Variants in AUH observed in about 807,000 individuals in gnomAD.
The protein encoded by AUH is AU RNA binding methylglutaconyl-CoA hydratase, also known as methylglutaconyl-CoA hydratase, mitochondrial.
AUH carries 29 observed loss-of-function variants against 42.3 expected under a neutral mutation model. That is an observed-to-expected ratio of 0.69 (90% confidence interval 0.51 to 0.93). AUH has a LOEUF of 0.93. Ranked by LOEUF, AUH falls within the 40% of genes least tolerant of loss-of-function variation. The pLI is 0.00. For missense variants in AUH, 452 were observed against 438.1 expected (o/e 1.03, Z -0.28); for synonymous variants, 174 against 166.4 (o/e 1.05, Z -0.35).
At chr9:91,298,782 G>A (rs1379052461) in intron 4 of AUH, among the ~76,000 whole-genome samples, 1 of 152,156 alleles carries the variant, frequency 6.6e-6, no homozygotes, top group Non-Finnish European at 1.5e-5. Context: ...ATGACATACA[G>A]ATTTCATTTT....
intron 4 of AUH, among the ~76,000 whole-genome samples, chr9:91,304,407 A>ACATGG (rs1375041687): frequency 2.0e-5 from 3 of 152,230 alleles, no homozygotes; most frequent in African/African-American, 7.2e-5. Context: ...CATGTGGGCA[A>ACATGG]CATGGAATAG....
chr9:91,283,458 C>G (rs964803084), intron 6 of AUH, among the ~76,000 whole-genome samples: 1 of 152,072 alleles, frequency 6.6e-6, no homozygotes, highest in Non-Finnish European at 1.5e-5. Flanking sequence ...GAAGTTCTGG[C>G]CAGGGCAATC....
chr9:91,304,381 T>C (rs1828048167), intron 4 of AUH, among the ~76,000 whole-genome samples: 1 of 152,202 alleles, frequency 6.6e-6, no homozygotes, highest in Non-Finnish European at 1.5e-5. Context: ...ATCCTCGATT[T>C]AGCTAAAACC....
At chr9:91,333,059 GT>G (rs1230983911) in intron 3 of AUH, among the ~76,000 whole-genome samples, 1 of 152,198 alleles carries the variant, frequency 6.6e-6, no homozygotes, top group Non-Finnish European at 1.5e-5. Context: ...GGGCTGGTTT[GT>G]TTAACCTTCA....
intron 3 of AUH, among the ~76,000 whole-genome samples, chr9:91,337,982 A>G (rs920558565): frequency 6.6e-6 from 1 of 152,206 alleles, no homozygotes; most frequent in Admixed American, 6.5e-5. Flanking sequence ...AAGAATACCA[A>G]CTTGTAAGTG....
In AUH at chr9:91,340,225, A is replaced by G. The variant is rs72740754; in HGVS notation, c.419-14821T>C. Among the ~76,000 whole-genome samples, 1,374 of 152,324 alleles carry G rather than the reference A, an allele frequency of 9.0e-3. 14 individuals are homozygous for G. Among genetic ancestry groups the G allele is most frequent in the Middle Eastern group, 0.024 (7 of 294 alleles). On this transcript the variant is annotated intron_variant, in intron 3 of 9. Transcript: ENST00000375731. Reference sequence around the variant, plus strand: ...CTCCAGGACAGTAACTACCTTCTGCAGCAAAACCACACTGAATAAGAAAGA... The same window carrying G: ...CTCCAGGACAGTAACTACCTTCTGCGGCAAAACCACACTGAATAAGAAAGA...
intron 6 of AUH, among the ~76,000 whole-genome samples, chr9:91,248,958 G>A (rs1323545688): frequency 6.6e-6 from 1 of 152,076 alleles, no homozygotes; most frequent in African/African-American, 2.4e-5. Context: ...TGTTTGCAGT[G>A]GATACCTCCA....
At chr9:91,214,487 G>A in intron 9 of AUH, 62 bp from the exon 10 acceptor site, 1 of 1,396,466 alleles carries the variant, frequency 7.2e-7, no homozygotes, top group Non-Finnish European at 9.8e-7. Flanking sequence ...AGTTTATCAA[G>A]CACTATCTAA....
rs531949131 is a variant in AUH, at chr9:91,249,490, T to C, written c.656-28498A>G. Among the ~76,000 whole-genome samples the C allele has an allele frequency of 1.9e-3, 294 of 152,046 alleles. 1 individual carries two copies. The highest frequency in any genetic ancestry group is 6.7e-3 in the African/African-American group (277 of 41,470). ...CCTTGTGGCTATTCTTTGAGCTAATTACACAAAAGTTGTTTGTTCGGTAGT... is the reference window on the plus strand; with the variant it reads ...CCTTGTGGCTATTCTTTGAGCTAATCACACAAAAGTTGTTTGTTCGGTAGT... On this transcript the variant is annotated intron_variant, in intron 6 of 9. Coordinates refer to ENST00000375731, the MANE Select transcript of AUH (RefSeq NM_001698.3).
intron 6 of AUH, among the ~76,000 whole-genome samples, chr9:91,270,119 C>G (rs532180293): frequency 1.3e-5 from 2 of 152,264 alleles, no homozygotes; most frequent in East Asian, 3.9e-4. Flanking sequence ...AGGTTGTAAG[C>G]AACTAAAATT....
intron 5 of AUH, 91 bp downstream of exon 5, chr9:91,297,893 C>T: frequency 2.8e-6 from 3 of 1,066,572 alleles, no homozygotes; most frequent in Non-Finnish European, 4.2e-6. Flanking sequence ...TACTCAACAA[C>T]AGGAAGCAGA....
At chr9:91,223,820 A>C (rs1455811857) in intron 6 of AUH, among the ~76,000 whole-genome samples, 1 of 152,172 alleles carries the variant, frequency 6.6e-6, no homozygotes, top group Non-Finnish European at 1.5e-5. Context: ...CTTTTTGGAT[A>C]AACAAAGAAA....
intron 6 of AUH, among the ~76,000 whole-genome samples, chr9:91,245,221 C>T (rs1161543657): frequency 6.6e-6 from 1 of 152,076 alleles, no homozygotes; most frequent in Non-Finnish European, 1.5e-5. Context: ...GGAACCACGG[C>T]CCACCCCAGG....
intron 7 of AUH, among the ~76,000 whole-genome samples, chr9:91,218,276 T>A (rs56049491): frequency 0.12 from 18,714 of 152,278 alleles, 1,536 homozygotes; most frequent in Admixed American, 0.25. Context: ...AAGGCCACAA[T>A]TTCCAAGGCT....
chr9:91,243,323 T>C (rs2131349059), intron 6 of AUH, among the ~76,000 whole-genome samples: 1 of 152,312 alleles, frequency 6.6e-6, no homozygotes, highest in East Asian at 1.9e-4. Flanking sequence ...CGAATATAAC[T>C]GGGTAATCAG....
intron 6 of AUH, among the ~76,000 whole-genome samples, chr9:91,228,083 G>A (rs1827627422): frequency 6.6e-6 from 1 of 152,178 alleles, no homozygotes. Context: ...GAGTTAGGGA[G>A]GATTCCCTCT....
At chr9:91,230,758 G>C (rs977872337) in intron 6 of AUH, among the ~76,000 whole-genome samples, 1 of 152,156 alleles carries the variant, frequency 6.6e-6, no homozygotes, top group Non-Finnish European at 1.5e-5. Context: ...CTGTTTGTTA[G>C]TTTTCCTTCT....
chr9:91,235,148 A>T (rs1007336619), intron 6 of AUH, among the ~76,000 whole-genome samples: 3 of 152,076 alleles, frequency 2.0e-5, no homozygotes, highest in Non-Finnish European at 4.4e-5. Context: ...GCAGCAAGTG[A>T]CATAATTTGA....
chr9:91,263,010 A>C (rs1253105118), intron 6 of AUH, among the ~76,000 whole-genome samples: 1 of 152,196 alleles, frequency 6.6e-6, no homozygotes, highest in African/African-American at 2.4e-5. Context: ...CAGTTACTGC[A>C]GTGTTGCTGT....
Sources: gnomAD v4.1 joint callset for allele counts (sites outside exome capture counted in the v4.1 genomes callset) on GRCh38, gnomAD v4.1.1 for gene constraint, MANE v1.5 for transcripts, NCBI Gene and HGNC (gene_info 2026-07-23, HGNC 2026-07-21) for gene names.